Variants in DMD observed in about 807,000 individuals in gnomAD.
DMD encodes dystrophin.
A neutral mutation model predicts 330.1 loss-of-function variants in DMD; 63 were observed. That is an observed-to-expected ratio of 0.19 (90% CI 0.16 to 0.24). The LOEUF (loss-of-function observed/expected upper bound fraction) is 0.24, where lower values mean the gene tolerates loss of function less well. Among genes scored for constraint, DMD ranks in the 10% least tolerant of loss-of-function variants. DMD has a pLI of 1.00. For missense variants in DMD, 3,344 were observed against 2,684.1 expected (o/e 1.25, Z -5.43); for synonymous variants, 1,223 against 959.8 (o/e 1.27, Z -5.07).
intron 7 of DMD, among the ~76,000 whole-genome samples, chrX:32,716,768 T>G (rs1368497682): frequency 1.8e-5 from 2 of 111,067 alleles, no homozygotes; most frequent in East Asian, 5.7e-4. Context: ...TGAGGTGGTC[T>G]CAGATGAAGA....
At chrX:31,638,966 T>C (rs1446604658) in intron 54 of DMD, among the ~76,000 whole-genome samples, 1 of 111,526 alleles carries the variant, frequency 9.0e-6, no homozygotes, top group Admixed American at 9.6e-5. Context: ...ATTCAAGTGG[T>C]GAAAATAGAT....
intron 40 of DMD, chrX:32,342,592 T>A: frequency 3.2e-6 from 1 of 314,399 alleles, no homozygotes; most frequent in Non-Finnish European, 5.5e-6. Context: ...TAACTCATTA[T>A]TTATTAGGGA....
intron 29 of DMD, among the ~76,000 whole-genome samples, chrX:32,429,396 T>TTTTTTG (rs2098228159): frequency 3.8e-5 from 3 of 79,180 alleles, no homozygotes; most frequent in Admixed American, 2.9e-4. Flanking sequence ...GGTTTTTTTT[T>TTTTTTG]TTTTTTTTTT....
chrX:31,203,884 C>T lies in DMD; in HGVS notation c.9807+77G>A, dbSNP rs990918939. 3.2e-5 allele frequency: 31 copies of T among 962,967 alleles called. No individual in the cohort carries two copies. In the African/African-American group the frequency reaches 3.5e-4, roughly 11 times the overall value. 79.4% of individuals were successfully genotyped at this position (962,967 alleles called of 1,213,427 possible). A position where few individuals can be genotyped will look rare whatever the true frequency, so the allele number is the denominator to read the frequency against. ...CTACTGAAGAGCTAATATGAGAAAA[C>T]GAAGCTCTGTGGGTTTTTTAATTAA... is the stretch of plus-strand genomic sequence containing the variant. On this transcript the variant is annotated intron_variant, in intron 67 of 78. Coordinates refer to ENST00000357033, the MANE Select transcript of DMD (RefSeq NM_004006.3).
intron 44 of DMD, among the ~76,000 whole-genome samples, chrX:32,108,539 T>C (rs886848959): frequency 1.8e-5 from 2 of 111,718 alleles, no homozygotes; most frequent in Non-Finnish European, 3.8e-5. Flanking sequence ...TGTGATACAA[T>C]GATGGCATTT....
At chrX:31,373,658 C>G (rs1352516702) in intron 60 of DMD, among the ~76,000 whole-genome samples, 1 of 110,224 alleles carries the variant, frequency 9.1e-6, no homozygotes, top group Non-Finnish European at 1.9e-5. Flanking sequence ...ACACCTTATA[C>G]GAAAATTAAT....
intron 43 of DMD, among the ~76,000 whole-genome samples, chrX:32,238,439 A>G (rs2097195833): frequency 1.0e-5 from 1 of 99,924 alleles, no homozygotes; most frequent in African/African-American, 3.8e-5. Flanking sequence ...AGAAGAAGCA[A>G]TGCATGAGAG....
chrX:31,846,434 TACACACACACAC>T (rs67231830), intron 48 of DMD, among the ~76,000 whole-genome samples: 156 of 95,499 alleles, frequency 1.6e-3, no homozygotes, highest in Non-Finnish European at 2.8e-3. Flanking sequence ...AATCAAGAAA[TACACACACACAC>T]ACACACACAC....
chrX:32,576,292 G>A (rs1896694377), intron 13 of DMD, among the ~76,000 whole-genome samples: 1 of 111,212 alleles, frequency 9.0e-6, no homozygotes, highest in South Asian at 3.8e-4. Flanking sequence ...CACAGATTTT[G>A]AGCAACCCCA....
intron 43 of DMD, among the ~76,000 whole-genome samples, chrX:32,235,446 CG>C (rs951554805): frequency 1.8e-5 from 2 of 111,326 alleles, no homozygotes; most frequent in Admixed American, 1.9e-4. Flanking sequence ...CTTTGCGAAT[CG>C]GGTCCCTAAC....
chrX:32,751,809 G>A (rs964874007), intron 7 of DMD, among the ~76,000 whole-genome samples: 1 of 112,468 alleles, frequency 8.9e-6, no homozygotes, highest in Admixed American at 9.4e-5. Flanking sequence ...GCAGCCTAGA[G>A]ACTTGGTGCC....
intron 2 of DMD, among the ~76,000 whole-genome samples, chrX:32,865,343 T>G (rs1052257013): frequency 9.0e-6 from 1 of 111,589 alleles, no homozygotes; most frequent in Non-Finnish European, 1.9e-5. Context: ...GTAAGTATGG[T>G]GCTGGCACAA....
intron 34 of DMD, among the ~76,000 whole-genome samples, chrX:32,368,307 C>A (rs183277063): frequency 9.1e-6 from 1 of 110,276 alleles, no homozygotes; most frequent in Non-Finnish European, 1.9e-5. Context: ...AATTTGATAT[C>A]ATACTAGAAA....
At chrX:32,701,879 G>A (rs1355262077) in intron 7 of DMD, among the ~76,000 whole-genome samples, 1 of 111,638 alleles carries the variant, frequency 9.0e-6, no homozygotes, top group Non-Finnish European at 1.9e-5. Flanking sequence ...TGGACTAAAT[G>A]CAGCTGTTCA....
intron 16 of DMD, among the ~76,000 whole-genome samples, chrX:32,557,244 C>A (rs2050406067): frequency 8.9e-6 from 1 of 111,872 alleles, no homozygotes; most frequent in African/African-American, 3.2e-5. Flanking sequence ...GCTATGCTCA[C>A]TTGCTCCTAC....
intron 64 of DMD, among the ~76,000 whole-genome samples, chrX:31,219,833 T>TATACACACACACACACACACAC (rs2045795712): frequency 1.0e-5 from 1 of 100,326 alleles, no homozygotes; most frequent in Non-Finnish European, 2.0e-5. Flanking sequence ...GATCAATGTA[T>TATACACACACACACACACACAC]ACACACACAC....
intron 43 of DMD, among the ~76,000 whole-genome samples, chrX:32,280,072 A>C (rs2097411353): frequency 9.7e-6 from 1 of 102,797 alleles, no homozygotes; most frequent in South Asian, 4.4e-4. Context: ...GTGTATATAC[A>C]TAGTAAATCT....
chrX:32,741,268 G>T (rs1468205146), intron 7 of DMD, among the ~76,000 whole-genome samples: 1 of 111,458 alleles, frequency 9.0e-6, no homozygotes, highest in Non-Finnish European at 1.9e-5. Flanking sequence ...GAGGGCAACA[G>T]CGCTGACATT....
At chrX:32,984,720 T>C (rs1394924290) in intron 2 of DMD, among the ~76,000 whole-genome samples, 6 of 111,942 alleles carry the variant, frequency 5.4e-5, no homozygotes, top group African/African-American at 1.6e-4. Flanking sequence ...GGAACATAAT[T>C]GATTCCCATT....
Sources: allele counts gnomAD v4.1 joint callset (sites outside exome capture counted in the v4.1 genomes callset), GRCh38; gene constraint gnomAD v4.1.1; transcripts MANE v1.5; gene names NCBI Gene and HGNC (gene_info 2026-07-23, HGNC 2026-07-21).